USH2A: variants seen among roughly 807,000 people sequenced by gnomAD.
USH2A encodes the protein Usher syndrome 2A (autosomal recessive, mild).
In USH2A, 443 loss-of-function variants were observed where a neutral mutation model predicts 538.9. The ratio of observed to expected loss-of-function variants is 0.82; its 90% CI spans 0.76 to 0.89. The LOEUF (loss-of-function observed/expected upper bound fraction) is 0.89. Among genes scored for constraint, USH2A ranks in the 40% least tolerant of loss-of-function variants. The pLI is 0.00. For synonymous variants in USH2A, 2,413 were observed against 2,273.5 expected, an observed-to-expected ratio of 1.06 and a Z score of -1.75; for missense variants, 6,633 against 6,324.8, an observed-to-expected ratio of 1.05 and a Z score of -1.65.
chr1:216,340,869 C>G (rs1175757165), intron 4 of USH2A, among the ~76,000 whole-genome samples: 11 of 152,070 alleles, frequency 7.2e-5, no homozygotes, highest in Admixed American at 2.6e-4. Flanking sequence ...CTATTTATGA[C>G]AAACCCACAG....
intron 47 of USH2A, among the ~76,000 whole-genome samples, chr1:215,820,078 G>A (rs1662969511): frequency 6.6e-6 from 1 of 151,648 alleles, no homozygotes; most frequent in South Asian, 2.1e-4. Flanking sequence ...ATACTTTTGG[G>A]CACTCATGCA....
chr1:215,920,284 C>T (rs1448411309), intron 38 of USH2A, among the ~76,000 whole-genome samples: 2 of 151,974 alleles, frequency 1.3e-5, no homozygotes, highest in African/African-American at 4.8e-5. Flanking sequence ...GGCGATATCT[C>T]CCAAAGAGCA....
rs116006272 is a variant in USH2A at position 216,096,466 on chromosome 1, A to T, written c.4758+617T>A. 6.8e-3 allele frequency among the ~76,000 whole-genome samples: 1,036 copies of T among 152,338 alleles called. 6 individuals carry two copies. Among genetic ancestry groups the T allele is most frequent in the African/African-American group, 0.024 (981 of 41,568 alleles). ...GACCAACTTTTCTTCATTGATTTGT[A>T]TCTCAGTTAAATATCACATTTCCAG... On this transcript the variant is annotated intron_variant, in intron 22 of 71. Coordinates refer to ENST00000307340, the MANE Select transcript of USH2A (RefSeq NM_206933.4).
At chr1:216,363,490 G>A (rs1290475858) in intron 4 of USH2A, among the ~76,000 whole-genome samples, 3 of 151,986 alleles carry the variant, frequency 2.0e-5, no homozygotes, top group African/African-American at 4.8e-5. Flanking sequence ...GGATATTAAG[G>A]AACTGTGCAA....
rs483353056 is a variant in USH2A, at chr1:215,900,194, G to T, written c.7475C>A (p.Ser2492Ter). The T allele has an allele frequency of 1.2e-6, 2 of 1,613,522 alleles. No homozygotes were observed. Among genetic ancestry groups the T allele is most frequent in the Non-Finnish European group, 1.7e-6 (2 of 1,179,710 alleles). The change falls in exon 40 of 72, where the codon TCG (serine) becomes TAG (stop). Residue 2492 changes from serine (S) to a stop codon, truncating the protein, a stop_gained. Coordinates refer to ENST00000307340, the MANE Select transcript of USH2A (RefSeq NM_206933.4). LOFTEE classifies it high-confidence loss of function. ...FLELFSNPSA[S>*]LSYEVSDLQP... is the part of the protein sequence containing the mutation. ...GAGATCACTCACTTCATAGCTTAAC[G>T]ATGCAGAAGGATTGGAAAATAACCT...
intron 38 of USH2A, among the ~76,000 whole-genome samples, chr1:215,928,380 CT>C (rs1666289105): frequency 6.6e-6 from 1 of 151,718 alleles, no homozygotes; most frequent in African/African-American, 2.4e-5. Flanking sequence ...TAGTAAACTG[CT>C]TTCTTCATTT....
At chr1:215,694,459 G>T (rs184674112) in intron 61 of USH2A, among the ~76,000 whole-genome samples, 1 of 152,276 alleles carries the variant, frequency 6.6e-6, no homozygotes, top group African/African-American at 2.4e-5. Flanking sequence ...TGTAGTCCCA[G>T]CTACTCGGGA....
At chr1:216,120,472 C>T (rs1436733232) in intron 21 of USH2A, among the ~76,000 whole-genome samples, 1 of 151,722 alleles carries the variant, frequency 6.6e-6, no homozygotes, top group Non-Finnish European at 1.5e-5. Context: ...CTCCGCCTCC[C>T]GGGTTCACGC....
At chr1:215,929,185 A>G (rs542887703) in intron 38 of USH2A, among the ~76,000 whole-genome samples, 1 of 152,130 alleles carries the variant, frequency 6.6e-6, no homozygotes, top group African/African-American at 2.4e-5. Context: ...AAAATATACA[A>G]TAATAGACAT....
intron 60 of USH2A, among the ~76,000 whole-genome samples, chr1:215,730,178 T>C (rs1659952552): frequency 6.6e-6 from 1 of 152,214 alleles, no homozygotes; most frequent in Non-Finnish European, 1.5e-5. Flanking sequence ...ATATATCTGA[T>C]ACTTCATTTG....
chr1:216,170,916 A>G (rs2034265572), intron 21 of USH2A, among the ~76,000 whole-genome samples: 1 of 152,096 alleles, frequency 6.6e-6, no homozygotes, highest in Admixed American at 6.6e-5. Context: ...CTGTGTTGGA[A>G]GAAGAAAGTA....
chr1:215,810,913 C>T (rs531305470), intron 49 of USH2A, among the ~76,000 whole-genome samples: 56 of 152,190 alleles, frequency 3.7e-4, no homozygotes, highest in African/African-American at 1.3e-3. Flanking sequence ...TAAGAAATAA[C>T]AGCACTGCTA....
chr1:216,123,540 T>G (rs1020076191), intron 21 of USH2A, among the ~76,000 whole-genome samples: 1 of 152,046 alleles, frequency 6.6e-6, no homozygotes, highest in Non-Finnish European at 1.5e-5. Context: ...GTGTTTTCAC[T>G]GTTTCTGTTT....
intron 38 of USH2A, among the ~76,000 whole-genome samples, chr1:215,926,949 A>G (rs1393352592): frequency 6.6e-6 from 1 of 151,968 alleles, no homozygotes; most frequent in Non-Finnish European, 1.5e-5. Flanking sequence ...TTAATAAAAA[A>G]TTTACATTTA....
intron 30 of USH2A, among the ~76,000 whole-genome samples, chr1:216,058,153 G>A (rs1431939070): frequency 7.9e-6 from 1 of 127,242 alleles, no homozygotes; most frequent in Non-Finnish European, 1.7e-5. Flanking sequence ...GGATGACACA[G>A]CAAAAAGATG....
intron 5 of USH2A, among the ~76,000 whole-genome samples, chr1:216,326,849 T>G (rs1044326941): frequency 6.6e-6 from 1 of 152,194 alleles, no homozygotes; most frequent in African/African-American, 2.4e-5. Flanking sequence ...ATTCTTCTTT[T>G]TGATTTTTAA....
intron 38 of USH2A, among the ~76,000 whole-genome samples, chr1:215,926,614 C>CTTT (rs10673615): frequency 0.053 from 3,996 of 75,670 alleles, 277 homozygotes; most frequent in African/African-American, 0.095. Context: ...ACCTACCTAT[C>CTTT]TTTTTTTTTT....
At chr1:215,695,388 T>G (rs1312034889) in intron 61 of USH2A, among the ~76,000 whole-genome samples, 1 of 152,238 alleles carries the variant, frequency 6.6e-6, no homozygotes, top group Non-Finnish European at 1.5e-5. Flanking sequence ...AAGCATGAGA[T>G]ATGATTATTA....
chr1:215,925,312 C>T (rs1186195935), intron 38 of USH2A, among the ~76,000 whole-genome samples: 1 of 152,088 alleles, frequency 6.6e-6, no homozygotes, highest in Non-Finnish European at 1.5e-5. Context: ...TTTGAAAGCA[C>T]ACTATTTATT....
Sources: allele counts gnomAD v4.1 joint callset (sites outside exome capture counted in the v4.1 genomes callset), GRCh38; gene constraint gnomAD v4.1.1; transcripts MANE v1.5; gene names NCBI Gene and HGNC (gene_info 2026-07-23, HGNC 2026-07-21).